ADAM17: variants seen among roughly 807,000 people sequenced by gnomAD.
The protein encoded by ADAM17 is ADAM metallopeptidase domain 17, also known as disintegrin and metalloproteinase domain-containing protein 17.
Under a neutral mutation model 96.7 loss-of-function variants are expected in ADAM17, and 39 were observed. That is an observed-to-expected ratio of 0.40 (90% CI 0.31 to 0.53). The LOEUF is 0.53. ADAM17 is among the 20% of genes least tolerant of loss of function. The pLI is 0.44. For missense variants in ADAM17, 777 were observed against 1,013.2 expected (o/e 0.77, Z 3.17); for synonymous variants, 344 against 359.2 (o/e 0.96, Z 0.48).
intron 1 of ADAM17, among the ~76,000 whole-genome samples, chr2:9,548,804 T>G (rs958435543): frequency 1.3e-5 from 2 of 152,180 alleles, no homozygotes; most frequent in African/African-American, 2.4e-5. Flanking sequence ...TAGCCAATAC[T>G]TTGTTCCTTC....
chr2:9,495,925 C>A (rs913811992), intron 14 of ADAM17, among the ~76,000 whole-genome samples: 17 of 150,222 alleles, frequency 1.1e-4, no homozygotes, highest in Non-Finnish European at 1.8e-4. Flanking sequence ...TCAAACAACT[C>A]CTGAGCTCAA....
Position 9,490,610 on chromosome 2 carries a change from T to C in ADAM17, c.2134-92A>G, listed in dbSNP as rs985843662. The C allele has an allele frequency of 5.3e-6, 7 of 1,313,236 alleles. No individual in the cohort carries two copies. The African/African-American group carries it at 7.4e-5, about 14-fold the overall frequency. 81.3% of individuals were successfully genotyped at this position (1,313,236 alleles called of 1,614,324 possible). ...CCCTTACCCATCAAACAGCCTCTTATTCTGTTGGCACTGTGATGCTAAGAA... is the reference window on the plus strand; with the variant it reads ...CCCTTACCCATCAAACAGCCTCTTACTCTGTTGGCACTGTGATGCTAAGAA... On this transcript the variant is annotated intron_variant, in intron 18 of 18. Coordinates refer to ENST00000310823, the MANE Select transcript of ADAM17 (RefSeq NM_003183.6).
At chr2:9,507,907 T>C (rs1663510402) in intron 11 of ADAM17, among the ~76,000 whole-genome samples, 1 of 152,118 alleles carries the variant, frequency 6.6e-6, no homozygotes, top group African/African-American at 2.4e-5. Context: ...GAGATGGAGT[T>C]TCACATGTTG....
chr2:9,535,662 A>G (rs559668958), intron 4 of ADAM17, among the ~76,000 whole-genome samples, 172 bp downstream of exon 4: 2 of 152,358 alleles, frequency 1.3e-5, no homozygotes, highest in South Asian at 2.1e-4. Flanking sequence ...GTGTATCATA[A>G]CACAGCTTCT....
chr2:9,499,042 T>G (rs1467266765), intron 13 of ADAM17, among the ~76,000 whole-genome samples: 3 of 152,090 alleles, frequency 2.0e-5, no homozygotes, highest in African/African-American at 7.2e-5. Flanking sequence ...CAATTTCCAT[T>G]TCTAATAAGC....
At chr2:9,549,294 C>T (rs1270182902) in intron 1 of ADAM17, among the ~76,000 whole-genome samples, 1 of 152,116 alleles carries the variant, frequency 6.6e-6, no homozygotes, top group Non-Finnish European at 1.5e-5. Context: ...TCGCTTGAAC[C>T]CGGGTGGCAG....
At chr2:9,506,185 C>A (rs1310144728) in intron 11 of ADAM17, among the ~76,000 whole-genome samples, 1 of 152,046 alleles carries the variant, frequency 6.6e-6, no homozygotes, top group African/African-American at 2.4e-5. Context: ...AAAATGGCTT[C>A]ACTTTCACCC....
intron 8 of ADAM17, among the ~76,000 whole-genome samples, chr2:9,520,041 T>A (rs1269730200): frequency 6.6e-6 from 1 of 152,236 alleles, no homozygotes; most frequent in Non-Finnish European, 1.5e-5. Context: ...TGCTTCTCCA[T>A]CTGGATGAAT....
At chr2:9,526,007 G>T in intron 6 of ADAM17, 104 bp downstream of exon 6, 1 of 1,110,388 alleles carries the variant, frequency 9.0e-7, no homozygotes. Flanking sequence ...AATATTTTAG[G>T]GAAATAACAG....
At chr2:9,512,997 C>T (rs1663823958) in intron 10 of ADAM17, among the ~76,000 whole-genome samples, 1 of 151,872 alleles carries the variant, frequency 6.6e-6, no homozygotes, top group Admixed American at 6.6e-5. Context: ...TTCTTTGTAT[C>T]CTTTCTTTTT....
intron 5 of ADAM17, 121 bp from the exon 6 acceptor site, chr2:9,526,365 G>T: frequency 2.0e-6 from 2 of 1,002,816 alleles, no homozygotes; most frequent in Non-Finnish European, 1.4e-6. Context: ...ATCACTAAAG[G>T]ATTCTGAACA....
chr2:9,506,796 G>A (rs191313939), intron 11 of ADAM17: 1 of 152,202 alleles, frequency 6.6e-6, no homozygotes, highest in Non-Finnish European at 1.5e-5. Flanking sequence ...GGTTAAAATG[G>A]AGTTAAAATT....
chr2:9,547,166 CTTT>C (rs970125241), intron 1 of ADAM17, among the ~76,000 whole-genome samples: 1 of 152,114 alleles, frequency 6.6e-6, no homozygotes. Flanking sequence ...TTGTTATGTG[CTTT>C]TGTTATCTTT....
intron 17 of ADAM17, among the ~76,000 whole-genome samples, chr2:9,491,742 G>A (rs1007086697): frequency 3.9e-5 from 6 of 152,202 alleles, no homozygotes; most frequent in African/African-American, 1.4e-4. Flanking sequence ...GGTGACAGAG[G>A]GCAAGGACCA....
rs1664583119 is a variant in ADAM17, at chr2:9,527,697, T to C, written c.619+89A>G. 12 of 892,414 alleles carry C rather than the reference T, an allele frequency of 1.3e-5. No individual in the cohort carries two copies. The Admixed American group carries it at 1.6e-4, about 12-fold the overall frequency. The allele number at this position is 892,414 out of a possible 1,614,324, so 55.3% of individuals were successfully genotyped here. On this transcript the variant is annotated intron_variant, in intron 5 of 18. Coordinates refer to ENST00000310823, the MANE Select transcript of ADAM17 (RefSeq NM_003183.6). ...AAATACTATAGTTACTTGACAATCA[T>C]GTTATTTTTTAACAAATAACAACCA...
At chr2:9,532,537 T>G (rs1382802249) in intron 4 of ADAM17, among the ~76,000 whole-genome samples, 1 of 152,050 alleles carries the variant, frequency 6.6e-6, no homozygotes, top group Non-Finnish European at 1.5e-5. Flanking sequence ...AGCAGTACAA[T>G]CTCAGCTCAC....
At chr2:9,512,863 G>C (rs1663816333) in intron 10 of ADAM17, among the ~76,000 whole-genome samples, 1 of 152,168 alleles carries the variant, frequency 6.6e-6, no homozygotes, top group Admixed American at 6.5e-5. Flanking sequence ...CATGGAGGTT[G>C]ACAGGAAGGT....
intron 4 of ADAM17, among the ~76,000 whole-genome samples, chr2:9,533,658 G>A (rs775715863): frequency 2.6e-5 from 4 of 152,180 alleles, no homozygotes; most frequent in Admixed American, 6.5e-5. Context: ...CTCAAATTAC[G>A]ACTATCTTTT....
Position 9,493,816 on chromosome 2 carries a change from C to A in ADAM17, c.1924G>T (p.Glu642Ter). 1 of 1,613,864 alleles carries A rather than the reference C, an allele frequency of 6.2e-7. No individual in the cohort carries two copies. The highest frequency in any genetic ancestry group is 8.5e-7 in the Non-Finnish European group (1 of 1,179,856). ...TCAATTACATCCTGTACTCGTTTCT[C>A]ACATTTGCCCTATGAAGAAAAAACA... ...VGFCDMNGKC[E>*]KRVQDVIERF... Residue 642 changes from glutamate to a stop codon, truncating the protein, a stop_gained, in exon 16 of 19, where the codon GAG becomes TAG. Transcript: ENST00000310823. LOFTEE classifies it high-confidence loss of function.
Sources: gnomAD v4.1 joint callset for allele counts (sites outside exome capture counted in the v4.1 genomes callset) on GRCh38, gnomAD v4.1.1 for gene constraint, MANE v1.5 for transcripts, NCBI Gene and HGNC (gene_info 2026-07-23, HGNC 2026-07-21) for gene names.